Variants in PCDH7 observed in about 807,000 individuals in gnomAD.
The protein encoded by PCDH7 is protocadherin 7, also known as protocadherin-7.
A neutral mutation model predicts 58.9 loss-of-function variants in PCDH7; 17 were observed. That is an observed-to-expected ratio of 0.29 (90% CI 0.20 to 0.43). The LOEUF (loss-of-function observed/expected upper bound fraction) is 0.43, where lower values mean the gene tolerates loss of function less well. Among genes scored for constraint, PCDH7 ranks in the 20% least tolerant of loss-of-function variants. The pLI, the probability that PCDH7 is intolerant of heterozygous loss-of-function variation, is 1.00. For synonymous variants in PCDH7, 664 were observed against 616.4 expected (o/e 1.08, Z -1.14); for missense variants, 1,274 against 1,441.0 (o/e 0.88, Z 1.88).
chr4:30,729,053 G>C (rs539295033), intron 1 of PCDH7, among the ~76,000 whole-genome samples: 7 of 151,768 alleles, frequency 4.6e-5, no homozygotes, highest in Non-Finnish European at 7.4e-5. Flanking sequence ...TCACATTTTA[G>C]AATTACAAGG....
chr4:30,806,309 A>G (rs1726194412), intron 1 of PCDH7, among the ~76,000 whole-genome samples: 2 of 150,958 alleles, frequency 1.3e-5, no homozygotes, highest in African/African-American at 2.4e-5. Flanking sequence ...ATGCCTAAAG[A>G]TTTCCTTTTT....
At chr4:30,792,876 A>G (rs1201490272) in intron 1 of PCDH7, among the ~76,000 whole-genome samples, 1 of 152,192 alleles carries the variant, frequency 6.6e-6, no homozygotes, top group African/African-American at 2.4e-5. Flanking sequence ...CTGCCTCCCG[A>G]TAATACATTT....
intron 1 of PCDH7, among the ~76,000 whole-genome samples, chr4:30,824,125 T>G (rs908421832): frequency 6.8e-6 from 1 of 147,354 alleles, no homozygotes; most frequent in East Asian, 2.1e-4. Context: ...CTTTCTTTCT[T>G]TCTTTCTTTC....
At chr4:30,810,011 A>G (rs1457352937) in intron 1 of PCDH7, among the ~76,000 whole-genome samples, 1 of 152,156 alleles carries the variant, frequency 6.6e-6, no homozygotes, top group Non-Finnish European at 1.5e-5. Flanking sequence ...GATTACAGGT[A>G]GTTTTAAAGT....
intron 1 of PCDH7, among the ~76,000 whole-genome samples, chr4:30,881,687 T>G (rs1468899585): frequency 1.3e-5 from 2 of 152,132 alleles, no homozygotes; most frequent in African/African-American, 2.4e-5. Flanking sequence ...AAAAGTGCTT[T>G]CAATAAGACA....
intron 3 of PCDH7, among the ~76,000 whole-genome samples, chr4:31,134,497 G>T (rs2109340068): frequency 6.6e-6 from 1 of 152,128 alleles, no homozygotes; most frequent in East Asian, 1.9e-4. Flanking sequence ...GAAGTAGAAT[G>T]TATTGTTGTT....
At chr4:30,946,935 C>G (rs1195788256) in intron 2 of PCDH7, among the ~76,000 whole-genome samples, 2 of 152,112 alleles carry the variant, frequency 1.3e-5, no homozygotes, top group Non-Finnish European at 2.9e-5. Flanking sequence ...TGTTCTCAAA[C>G]TCCTGACCTC....
chr4:30,894,502 TATATATATATATATAC>T (rs1289825197), intron 1 of PCDH7, among the ~76,000 whole-genome samples: 1 of 35,632 alleles, frequency 2.8e-5, no homozygotes, highest in Non-Finnish European at 5.0e-5. Flanking sequence ...TATATATATA[TATATATATATATATAC>T]ACACACACAC....
intron 1 of PCDH7, among the ~76,000 whole-genome samples, chr4:30,756,505 T>C (rs1719326472): frequency 1.3e-5 from 2 of 152,226 alleles, no homozygotes; most frequent in Non-Finnish European, 2.9e-5. Flanking sequence ...TGTCTGATGC[T>C]AGAGACCTTG....
At chr4:30,973,746 C>A (rs1187685237) in intron 3 of PCDH7, among the ~76,000 whole-genome samples, 1 of 151,414 alleles carries the variant, frequency 6.6e-6, no homozygotes, top group African/African-American at 2.4e-5. Flanking sequence ...CCACTGTATC[C>A]AATATGTGCT....
At chr4:30,794,705 A>G (rs543342255) in intron 1 of PCDH7, among the ~76,000 whole-genome samples, 1 of 152,244 alleles carries the variant, frequency 6.6e-6, no homozygotes, top group South Asian at 2.1e-4. Flanking sequence ...GGCAAATGAC[A>G]TACAAAGTAT....
At chr4:30,849,177 T>C (rs1732382129) in intron 1 of PCDH7, among the ~76,000 whole-genome samples, 1 of 152,090 alleles carries the variant, frequency 6.6e-6, no homozygotes, top group Non-Finnish European at 1.5e-5. Context: ...AGCATACTGT[T>C]GGATGAAACT....
chr4:30,724,141 A>T lies in PCDH7; in HGVS notation c.2719A>T (p.Lys907Ter), dbSNP rs202098110. The T allele has an allele frequency of 6.2e-7, 1 of 1,614,062 alleles. No homozygotes were observed. The highest frequency in any genetic ancestry group is 8.5e-7 in the Non-Finnish European group (1 of 1,180,036). The change falls in exon 1 of 2, where the codon AAA (lysine) becomes TAA (stop). Residue 907 changes from lysine (K) to a stop codon, truncating the protein, a stop_gained. Transcript: ENST00000361762. LOFTEE classifies it high-confidence loss of function. The stretch of plus-strand genomic sequence containing the variant: ...AGTGATGGCAAGGTACTGCAGGTCC[A>T]AAAATAAAAATGGCTATGAAGCCGG...
chr4:31,119,539 G>A (rs1001919204), intron 3 of PCDH7, among the ~76,000 whole-genome samples: 2 of 152,098 alleles, frequency 1.3e-5, no homozygotes, highest in African/African-American at 2.4e-5. Context: ...AGGAGTGAAA[G>A]TTTATTAAAA....
chr4:31,110,350 A>T (rs1413729751), intron 3 of PCDH7, among the ~76,000 whole-genome samples: 1 of 152,216 alleles, frequency 6.6e-6, no homozygotes, highest in Non-Finnish European at 1.5e-5. Flanking sequence ...ATAACCTCGT[A>T]CAAGTTTTAA....
chr4:30,969,711 C>A (rs1236400175), intron 3 of PCDH7, among the ~76,000 whole-genome samples: 1 of 152,044 alleles, frequency 6.6e-6, no homozygotes, highest in Non-Finnish European at 1.5e-5. Flanking sequence ...AAAATTTGAT[C>A]TAAACATATG....
intron 3 of PCDH7, among the ~76,000 whole-genome samples, chr4:30,968,376 C>CGTGTG (rs1201981720): frequency 4.5e-5 from 3 of 67,062 alleles, no homozygotes; most frequent in African/African-American, 2.1e-4. Flanking sequence ...TATACACACA[C>CGTGTG]TATATATATA....
chr4:30,859,848 A>G (rs918499992), intron 1 of PCDH7, among the ~76,000 whole-genome samples: 1 of 152,182 alleles, frequency 6.6e-6, no homozygotes, highest in African/African-American at 2.4e-5. Context: ...TAGATACAGG[A>G]AAGTGTAAAG....
At chr4:30,732,857 A>G (rs946831434) in exon 2 of PCDH7, 2 of 152,236 alleles carry the variant, frequency 1.3e-5, no homozygotes, top group African/African-American at 4.8e-5. Flanking sequence ...ATTAAGCTGA[A>G]TCAGAATGAT....
Sources: allele counts gnomAD v4.1 joint callset (sites outside exome capture counted in the v4.1 genomes callset), GRCh38; gene constraint gnomAD v4.1.1; transcripts MANE v1.5; gene names NCBI Gene and HGNC (gene_info 2026-07-23, HGNC 2026-07-21).